HERC5: variants seen among roughly 807,000 people sequenced by gnomAD.
HERC5 encodes HECT and RLD domain containing E3 ubiquitin protein ligase 5, also known as E3 ISG15--protein ligase HERC5.
Under a neutral mutation model 119.6 loss-of-function variants are expected in HERC5, and 99 were observed. That is an observed-to-expected ratio of 0.83 (90% CI 0.70 to 0.98). The LOEUF is 0.98. Ranked by LOEUF, HERC5 falls within the 50% of genes least tolerant of loss-of-function variation. The pLI, the probability that HERC5 is intolerant of heterozygous loss-of-function variation, is 0.00. For missense variants in HERC5, 1,267 were observed against 1,241.3 expected (o/e 1.02, Z -0.31); for synonymous variants, 478 against 445.9 (o/e 1.07, Z -0.91).
Position 88,500,052 on chromosome 4 carries a change from TTAAC to T in HERC5, c.2511+64_2511+67del, listed in dbSNP as rs1741903963. ...TTAATCTGATTAACCCTTTACATAT[TTAAC>T]TAAACATGTCAACTTTTACTTAAAA... is the stretch of plus-strand genomic sequence containing the variant. On this transcript the variant is annotated intron_variant, in intron 19 of 22. Transcript: ENST00000264350. 3.0e-6 allele frequency: 3 copies of T among 1,011,284 alleles called. No individual in the cohort carries two copies. The South Asian group carries it at 4.3e-5, about 15-fold the overall frequency. 62.6% of individuals were successfully genotyped at this position (1,011,284 alleles called of 1,614,324 possible).
chr4:88,484,439 A>G (rs768681721), intron 13 of HERC5, among the ~76,000 whole-genome samples: 2 of 152,218 alleles, frequency 1.3e-5, no homozygotes, highest in African/African-American at 4.8e-5. Context: ...CCAGGCTCCT[A>G]GAGATACCAC....
chr4:88,489,437 C>T, intron 16 of HERC5, 101 bp downstream of exon 16: 1 of 1,142,972 alleles, frequency 8.7e-7, no homozygotes, highest in South Asian at 1.7e-5. Flanking sequence ...CTTCCTTTGC[C>T]ACAGAGGTTG....
At chr4:88,462,421 C>T in intron 4 of HERC5, 65 bp downstream of exon 4, 1 of 1,333,520 alleles carries the variant, frequency 7.5e-7, no homozygotes, top group Non-Finnish European at 1.1e-6. Flanking sequence ...TTTAATGGAC[C>T]TCCCTGTCAA....
chr4:88,459,885 CATA>C (rs764636731), intron 2 of HERC5, among the ~76,000 whole-genome samples: 67 of 152,138 alleles, frequency 4.4e-4, no homozygotes, highest in African/African-American at 1.5e-3. Context: ...AAATTGTTTG[CATA>C]ATATTTTATT....
At chr4:88,457,859 C>T in intron 1 of HERC5, 1 of 1,001,986 alleles carries the variant, frequency 1.0e-6, no homozygotes, top group South Asian at 5.0e-5. Context: ...GTACCCCCGT[C>T]CCCCGCCCGC....
intron 6 of HERC5, among the ~76,000 whole-genome samples, chr4:88,465,799 T>A (rs1371111159): frequency 3.9e-5 from 6 of 152,160 alleles, no homozygotes; most frequent in Non-Finnish European, 8.8e-5. Context: ...CTAGTACCAG[T>A]CAAAGGAAGA....
At chr4:88,502,144 T>C in intron 20 of HERC5, among the ~76,000 whole-genome samples, 1 of 152,142 alleles carries the variant, frequency 6.6e-6, no homozygotes, top group East Asian at 1.9e-4. Flanking sequence ...AGTTTTGGAC[T>C]ATTATGAATA....
chr4:88,471,898 G>A (rs151335709), intron 10 of HERC5, among the ~76,000 whole-genome samples: 99 of 150,260 alleles, frequency 6.6e-4, no homozygotes, highest in African/African-American at 2.3e-3. Context: ...TCCTTCCTTC[G>A]AAAAACCTTT....
At chr4:88,465,769 T>C (rs1740640426) in intron 6 of HERC5, among the ~76,000 whole-genome samples, 1 of 152,166 alleles carries the variant, frequency 6.6e-6, no homozygotes, top group Non-Finnish European at 1.5e-5. Context: ...GTCACATTTA[T>C]TACAAGAAAA....
intron 11 of HERC5, among the ~76,000 whole-genome samples, chr4:88,475,553 G>A (rs1741033530): frequency 6.6e-6 from 1 of 152,054 alleles, no homozygotes; most frequent in African/African-American, 2.4e-5. Flanking sequence ...TCCTGACCTT[G>A]TGATCTGCCT....
chr4:88,457,696 G>T lies in HERC5; in HGVS notation c.265+162G>T, dbSNP rs868471870. 4.6e-5 allele frequency among the ~76,000 whole-genome samples: 7 copies of T among 152,358 alleles called. No individual in the cohort carries two copies. The South Asian group carries it at 8.3e-4, about 18-fold the overall frequency. ...GTTTCGCCGACGGCGCACCTGAGCT[G>T]TCTTTTATCCCGGTCAGTGTCAGGC... On this transcript the variant is annotated intron_variant, in intron 1 of 22. Transcript: ENST00000264350.
At chr4:88,480,348 T>G (rs889593710) in intron 13 of HERC5, among the ~76,000 whole-genome samples, 17 of 152,160 alleles carry the variant, frequency 1.1e-4, no homozygotes, top group African/African-American at 4.1e-4. Flanking sequence ...TCATTCATTT[T>G]CACTCTGCAG....
chr4:88,472,533 A>G (rs370784063), intron 11 of HERC5, 31 bp downstream of exon 11: 22 of 1,181,202 alleles, frequency 1.9e-5, no homozygotes, highest in Middle Eastern at 1.9e-4. Context: ...GGAGAAAGAA[A>G]ATACACCAGA....
chr4:88,469,128 T>C (rs1195507374), intron 8 of HERC5, 29 bp from the exon 9 acceptor site: 10 of 1,487,432 alleles, frequency 6.7e-6, no homozygotes, highest in East Asian at 2.3e-5. Flanking sequence ...GTCTAAATTA[T>C]TGTATTTTAC....
chr4:88,480,954 T>C (rs1741258459), intron 13 of HERC5, among the ~76,000 whole-genome samples: 1 of 152,228 alleles, frequency 6.6e-6, no homozygotes, highest in African/African-American at 2.4e-5. Flanking sequence ...TTTTGCTTTA[T>C]GGTATTTTTT....
At chr4:88,485,646 G>A (rs563763522) in intron 13 of HERC5, among the ~76,000 whole-genome samples, 2 of 152,232 alleles carry the variant, frequency 1.3e-5, no homozygotes, top group South Asian at 4.1e-4. Flanking sequence ...ACATGCCAGG[G>A]TGTTCATGTG....
At chr4:88,458,653 C>A (rs1018340421) in intron 1 of HERC5, among the ~76,000 whole-genome samples, 1 of 152,122 alleles carries the variant, frequency 6.6e-6, no homozygotes, top group African/African-American at 2.4e-5. Flanking sequence ...GAGATTTTTA[C>A]ACGAATAGAT....
In HERC5 at chr4:88,463,851, T is replaced by G. The variant is rs753444883; in HGVS notation, c.781-4T>G. The G allele has an allele frequency of 6.2e-7, 1 of 1,613,588 alleles. No individual in the cohort carries two copies. Among genetic ancestry groups the G allele is most frequent in the Non-Finnish European group, 8.5e-7 (1 of 1,179,836 alleles). On this transcript the variant is annotated splice_polypyrimidine_tract_variant and splice_region_variant and intron_variant, in intron 5 of 22. Coordinates refer to ENST00000264350, the MANE Select transcript of HERC5 (RefSeq NM_016323.4). ...GCATCTGATATGACATTCCCTTTCC[T>G]TAGGATGGGCTGCTGTTTACTTTCG...
intron 16 of HERC5, among the ~76,000 whole-genome samples, chr4:88,492,299 C>T (rs112230023): frequency 0.032 from 4,907 of 151,894 alleles, 245 homozygotes; most frequent in African/African-American, 0.11. Flanking sequence ...CCACCACGCC[C>T]GGCCAATTTT....
Sources: gnomAD v4.1 joint callset for allele counts (sites outside exome capture counted in the v4.1 genomes callset) on GRCh38, gnomAD v4.1.1 for gene constraint, MANE v1.5 for transcripts, NCBI Gene and HGNC (gene_info 2026-07-23, HGNC 2026-07-21) for gene names.